Variants in PLCD4 observed in about 807,000 individuals in gnomAD.
The protein encoded by PLCD4 is 1-phosphatidylinositol 4,5-bisphosphate phosphodiesterase delta-4.
A neutral mutation model predicts 90.2 loss-of-function variants in PLCD4; 63 were observed. That is an observed-to-expected ratio of 0.70 (90% CI 0.57 to 0.86). PLCD4 has a LOEUF of 0.86. Ranked by LOEUF, PLCD4 falls within the 40% of genes least tolerant of loss-of-function variation. The pLI, the probability that PLCD4 is intolerant of heterozygous loss-of-function variation, is 0.00. For synonymous variants in PLCD4, 294 were observed against 356.5 expected (o/e 0.82, Z 1.97); for missense variants, 830 against 956.3 (o/e 0.87, Z 1.74).
chr2:218,614,018 C>CTTTT (rs71036590), intron 1 of PLCD4, among the ~76,000 whole-genome samples: 1 of 144,186 alleles, frequency 6.9e-6, no homozygotes, highest in Non-Finnish European at 1.5e-5. Context: ...TCTTCTTCTT[C>CTTTT]TTTTTTTTTT....
intron 4 of PLCD4, 114 bp from the exon 5 acceptor site, chr2:218,621,356 C>A: frequency 1.6e-6 from 2 of 1,251,500 alleles, no homozygotes; most frequent in Non-Finnish European, 2.3e-6. Flanking sequence ...TGGATTGGCA[C>A]CGGGGAGAGA....
At chr2:218,629,379 G>A (rs935530700) in intron 7 of PLCD4, 140 bp from the exon 8 acceptor site, 1 of 953,752 alleles carries the variant, frequency 1.0e-6, no homozygotes, top group South Asian at 1.7e-5. Flanking sequence ...GATGGAGAAG[G>A]CTCTATGCAG....
At chr2:218,612,325 C>T (rs1159333513) in intron 1 of PLCD4, among the ~76,000 whole-genome samples, 1 of 152,206 alleles carries the variant, frequency 6.6e-6, no homozygotes, top group East Asian at 1.9e-4. Flanking sequence ...CACTTTGGGT[C>T]CCTTCGTCCA....
chr2:218,632,108 G>C (rs1265506521), intron 9 of PLCD4, 28 bp from the exon 10 acceptor site: 2 of 1,577,050 alleles, frequency 1.3e-6, no homozygotes, highest in East Asian at 2.3e-5. Context: ...CAGACAGGTA[G>C]ACAGGCCCCT....
Position 218,634,779 on chromosome 2 carries a change from A to T in PLCD4, c.1896+149A>T. The T allele has an allele frequency of 1.0e-6, 1 of 959,360 alleles. No homozygotes were observed. The highest frequency in any genetic ancestry group is 1.6e-6 in the Non-Finnish European group (1 of 641,800). The allele number at this position is 959,360 out of a possible 1,614,324, so 59.4% of individuals were successfully genotyped here. A position where few individuals can be genotyped will look rare whatever the true frequency, so the allele number is the denominator to read the frequency against. ...TTTTGGAGCCAGCTGCCTAGCTTCAAACCACAACTTCCTAATTGGGTAATG... is the reference window on the plus strand; with the variant it reads ...TTTTGGAGCCAGCTGCCTAGCTTCATACCACAACTTCCTAATTGGGTAATG... On this transcript the variant is annotated intron_variant, in intron 13 of 15. Coordinates refer to ENST00000450993, the MANE Select transcript of PLCD4 (RefSeq NM_032726.4). This position sits in a 1 kb window ranked among gnomAD's most constrained non-coding sequence, Gnocchi z 4.0.
rs757723043 is a variant in PLCD4, at chr2:218,635,918, T to C, written c.2019T>C (p.Tyr673=). 6.2e-7 allele frequency: 1 copy of C among 1,613,984 alleles called. No homozygotes were observed. Among genetic ancestry groups the C allele is most frequent in the Non-Finnish European group, 8.5e-7 (1 of 1,179,894 alleles). The change falls in exon 14 of 16, where the codon TAT becomes TAC. Residue 673 remains tyrosine (Y), a synonymous_variant. Transcript: ENST00000450993. ...RLDTARQETN[Y]VENNGFNPYW... The stretch of plus-strand genomic sequence containing the variant: ...ACACAGCACGGCAGGAGACCAACTA[T>C]GTGGAGAACAATGGTGAGAAACTGG...
At chr2:218,635,293 A>G (rs1234774612) in intron 13 of PLCD4, among the ~76,000 whole-genome samples, 3 of 151,518 alleles carry the variant, frequency 2.0e-5, no homozygotes, top group Non-Finnish European at 2.9e-5. Context: ...GGCTGCTGTC[A>G]TTAGCATGCC....
In PLCD4 at chr2:218,616,033, G is replaced by T. The variant is rs760462051; in HGVS notation, c.152G>T (p.Arg51Leu). Reference protein sequence around the residue: ...QNDGMTVWHARQARGSAKPSF... With the variant: ...QNDGMTVWHALQARGSAKPSF... ...GACGGCATGACAGTCTGGCATGCACGGCAGGCCAGGGGCAGTGCCAAGCCC... is the reference window on the plus strand; with the variant it reads ...GACGGCATGACAGTCTGGCATGCACTGCAGGCCAGGGGCAGTGCCAAGCCC... The change falls in exon 3 of 16, where the codon CGG becomes CTG. Residue 51 changes from arginine to leucine, a missense_variant. Arg to Leu is a moderately radical substitution (Grantham distance 102). Transcript: ENST00000450993. 3 of 1,613,800 alleles carry T rather than the reference G, an allele frequency of 1.9e-6. No homozygotes were observed. Among genetic ancestry groups the T allele is most frequent in the Non-Finnish European group, 2.5e-6 (3 of 1,179,894 alleles).
intron 1 of PLCD4, chr2:218,609,689 G>A (rs1372476177): frequency 3.3e-5 from 5 of 152,148 alleles, no homozygotes; most frequent in Non-Finnish European, 1.5e-5. Flanking sequence ...GAATACCTAG[G>A]TTCTAACTCA....
intron 1 of PLCD4, among the ~76,000 whole-genome samples, chr2:218,613,166 G>C (rs1311322909): frequency 6.6e-6 from 1 of 152,062 alleles, no homozygotes; most frequent in Non-Finnish European, 1.5e-5. Flanking sequence ...CGAGGCGGGT[G>C]GATCACCTGA....
intron 4 of PLCD4, among the ~76,000 whole-genome samples, chr2:218,619,462 T>A (rs530105857): frequency 6.6e-6 from 1 of 151,924 alleles, no homozygotes; most frequent in South Asian, 2.1e-4. Flanking sequence ...CCCAGCTAAT[T>A]TTTGTATTTT....
chr2:218,614,778 C>CT (rs1695505398), intron 1 of PLCD4, among the ~76,000 whole-genome samples: 1 of 152,048 alleles, frequency 6.6e-6, no homozygotes, highest in Non-Finnish European at 1.5e-5. Context: ...AAGAGGTACC[C>CT]TTTTTTGGTA....
intron 1 of PLCD4, among the ~76,000 whole-genome samples, chr2:218,610,492 A>G (rs1211964563): frequency 6.6e-6 from 1 of 151,814 alleles, no homozygotes; most frequent in Non-Finnish European, 1.5e-5. Flanking sequence ...TGGGCGACAG[A>G]GTGACACTCC....
Position 218,615,926 on chromosome 2 carries a change from G to T in PLCD4, c.45G>T (p.Leu15Phe). ...LQDQLTTDQD[L>F]LLMQEGMPMR... Reference sequence around the variant, plus strand: ...TAGAGCTGACCACTGATCAGGACTTGCTGCTGATGCAGGAAGGCATGCCGA... The same window carrying T: ...TAGAGCTGACCACTGATCAGGACTTTCTGCTGATGCAGGAAGGCATGCCGA... The change falls in exon 3 of 16, where the codon TTG becomes TTT. Residue 15 changes from leucine to phenylalanine, a missense_variant. Leu to Phe is a conservative substitution (Grantham distance 22). Coordinates refer to ENST00000450993, the MANE Select transcript of PLCD4 (RefSeq NM_032726.4). The T allele has an allele frequency of 7.4e-6, 12 of 1,614,022 alleles. No individual in the cohort carries two copies. The highest frequency in any genetic ancestry group is 1.0e-5 in the Non-Finnish European group (12 of 1,179,898).
chr2:218,636,807 C>T lies in PLCD4; in HGVS notation c.*230C>T, dbSNP rs1696786353. On this transcript the variant is annotated 3_prime_UTR_variant, in exon 16 of 16. Transcript: ENST00000450993. ...TCATAAGCCTTTGGTATCTTTCCTG[C>T]CCTTTTCCTTTGTGTACTCTATACT... The T allele has an allele frequency of 3.3e-6, 2 of 609,702 alleles. No individual in the cohort carries two copies. The highest frequency in any genetic ancestry group is 6.0e-6 in the Non-Finnish European group (2 of 332,368). The allele number at this position is 609,702 out of a possible 1,614,324, so 37.8% of individuals were successfully genotyped here. A position where few individuals can be genotyped will look rare whatever the true frequency, so the allele number is the denominator to read the frequency against.
chr2:218,618,163 A>T (rs940545072), intron 3 of PLCD4, among the ~76,000 whole-genome samples: 1 of 152,272 alleles, frequency 6.6e-6, no homozygotes, highest in Admixed American at 6.5e-5. Context: ...ATGCTTTAGT[A>T]TAACTGCTTC....
intron 3 of PLCD4, among the ~76,000 whole-genome samples, chr2:218,617,267 A>G (rs1695659945): frequency 6.8e-6 from 1 of 147,042 alleles, no homozygotes; most frequent in East Asian, 2.1e-4. Flanking sequence ...CCCGGCCTAT[A>G]ATAAATATTT....
intron 6 of PLCD4, among the ~76,000 whole-genome samples, chr2:218,624,755 A>C (rs542408996): frequency 4.0e-5 from 6 of 151,358 alleles, no homozygotes; most frequent in African/African-American, 1.5e-4. Context: ...GAAAAAAAAG[A>C]ATGGAGGTTG....
At chr2:218,632,093 A>C in intron 9 of PLCD4, 43 bp from the exon 10 acceptor site, 1 of 1,540,644 alleles carries the variant, frequency 6.5e-7, no homozygotes, top group Non-Finnish European at 8.7e-7. Flanking sequence ...AGAAGGACCC[A>C]AGAGCAGACA....
Sources: gnomAD v4.1 joint callset for allele counts (sites outside exome capture counted in the v4.1 genomes callset) on GRCh38, gnomAD v4.1.1 for gene constraint, Gnocchi (gnomAD v3.1) non-coding constraint, MANE v1.5 for transcripts, NCBI Gene and HGNC (gene_info 2026-07-23, HGNC 2026-07-21) for gene names.